The following MINDY4 variants were observed in gnomAD, a reference collection of about 807,000 sequenced individuals.
The protein encoded by MINDY4 is MINDY lysine 48 deubiquitinase 4, also known as probable ubiquitin carboxyl-terminal hydrolase MINDY-4.
MINDY4 carries 68 observed loss-of-function variants against 87.0 expected under a neutral mutation model. The ratio of observed to expected loss-of-function variants is 0.78; its 90% CI spans 0.64 to 0.96. The LOEUF is 0.96. Ranked by LOEUF, MINDY4 falls within the 40% of genes least tolerant of loss-of-function variation. The pLI is 0.00. For missense variants in MINDY4, 919 were observed against 928.2 expected (o/e 0.99, Z 0.13); for synonymous variants, 379 against 363.2 (o/e 1.04, Z -0.50).
At chr7:30,841,464 CCCATA>C (rs1562550082) in intron 9 of MINDY4, among the ~76,000 whole-genome samples, 1 of 152,198 alleles carries the variant, frequency 6.6e-6, no homozygotes, top group Non-Finnish European at 1.5e-5. Flanking sequence ...AAACCCCAAT[CCCATA>C]CCATCGTTGG....
intron 5 of MINDY4, among the ~76,000 whole-genome samples, chr7:30,816,765 T>G (rs1293970688): frequency 6.6e-6 from 1 of 152,196 alleles, no homozygotes; most frequent in Non-Finnish European, 1.5e-5. Context: ...TGAGCTGAAT[T>G]GTTAAGGCAG....
intron 15 of MINDY4, among the ~76,000 whole-genome samples, chr7:30,878,748 G>A (rs2107550): frequency 0.36 from 54,537 of 152,096 alleles, 15,172 homozygotes; most frequent in African/African-American, 0.77. Flanking sequence ...ACAGCTTGAC[G>A]GGCAAGAGTT....
intron 5 of MINDY4, among the ~76,000 whole-genome samples, chr7:30,817,734 G>A (rs1050919895): frequency 2.6e-5 from 4 of 152,194 alleles, no homozygotes; most frequent in East Asian, 1.9e-4. Context: ...GGGGCAATGC[G>A]TCTGTTGCCA....
intron 6 of MINDY4, among the ~76,000 whole-genome samples, chr7:30,834,268 C>T (rs751933539): frequency 6.6e-6 from 1 of 152,232 alleles, no homozygotes; most frequent in African/African-American, 2.4e-5. Flanking sequence ...GGCGGAGGTT[C>T]CCAAACCTCA....
Position 30,836,726 on chromosome 7 carries a change from C to T in MINDY4, c.1201C>T (p.Gln401Ter), listed in dbSNP as rs1208369113. 19 of 1,614,032 alleles carry T rather than the reference C, an allele frequency of 1.2e-5. No homozygotes were observed. Among genetic ancestry groups the T allele is most frequent in the Non-Finnish European group, 1.5e-5 (18 of 1,179,998 alleles). ...LSPVPSVLKL[Q>*]TASKPIDLSV... ...GCCAGTCCCATCAGTGCTCAAGTTGCAGACAGCATCAAAACCAATTGACCT... is the reference window on the plus strand; with the variant it reads ...GCCAGTCCCATCAGTGCTCAAGTTGTAGACAGCATCAAAACCAATTGACCT... The change falls in exon 7 of 18, where the codon CAG (glutamine) becomes TAG (stop). Residue 401 changes from glutamine to a stop codon, truncating the protein, a stop_gained. Coordinates refer to ENST00000265299, the MANE Select transcript of MINDY4 (RefSeq NM_032222.3). LOFTEE classifies it high-confidence loss of function.
chr7:30,813,156 G>T (rs1788052512), intron 5 of MINDY4, among the ~76,000 whole-genome samples: 1 of 152,172 alleles, frequency 6.6e-6, no homozygotes, highest in African/African-American at 2.4e-5. Flanking sequence ...ATTAGATTCA[G>T]ATCCTTAAAA....
chr7:30,889,474 C>G (rs562112782), intron 17 of MINDY4, among the ~76,000 whole-genome samples: 79 of 152,316 alleles, frequency 5.2e-4, no homozygotes, highest in African/African-American at 1.8e-3. Context: ...ACTCCACCCC[C>G]AAATAGTATC....
chr7:30,887,292 A>C (rs867586942), intron 17 of MINDY4, among the ~76,000 whole-genome samples: 1 of 152,012 alleles, frequency 6.6e-6, no homozygotes, highest in South Asian at 2.1e-4. Flanking sequence ...CCTGCCCCCC[A>C]CACACACCTG....
At chr7:30,859,615 C>T (rs1277202233) in intron 13 of MINDY4, among the ~76,000 whole-genome samples, 1 of 151,816 alleles carries the variant, frequency 6.6e-6, no homozygotes, top group African/African-American at 2.4e-5. Flanking sequence ...CACACTTGAG[C>T]ACTCAGGGGG....
At chr7:30,854,119 G>C (rs1268357125) in intron 12 of MINDY4, among the ~76,000 whole-genome samples, 2 of 152,158 alleles carry the variant, frequency 1.3e-5, no homozygotes, top group Non-Finnish European at 2.9e-5. Flanking sequence ...GTGGGGAGGG[G>C]CTACACACTC....
chr7:30,836,998 C>T (rs1788877572), intron 7 of MINDY4, among the ~76,000 whole-genome samples: 1 of 152,102 alleles, frequency 6.6e-6, no homozygotes, highest in Non-Finnish European at 1.5e-5. Context: ...GAGGTTATGT[C>T]CTCCCCTCCA....
At chr7:30,825,393 C>T (rs1005202820) in intron 5 of MINDY4, among the ~76,000 whole-genome samples, 1 of 152,194 alleles carries the variant, frequency 6.6e-6, no homozygotes, top group South Asian at 2.1e-4. Flanking sequence ...AGTCCCATGA[C>T]CAGAGAGAGA....
intron 5 of MINDY4, among the ~76,000 whole-genome samples, chr7:30,808,362 T>A (rs895158958): frequency 2.6e-5 from 4 of 152,206 alleles, no homozygotes; most frequent in African/African-American, 9.7e-5. Context: ...CTTGGATTGC[T>A]TGATACTTTG....
intron 5 of MINDY4, among the ~76,000 whole-genome samples, chr7:30,826,196 G>A (rs566158884): frequency 3.3e-5 from 5 of 152,248 alleles, no homozygotes; most frequent in African/African-American, 7.2e-5. Flanking sequence ...CTCTTTTGCC[G>A]TGTAAAGTAA....
intron 5 of MINDY4, among the ~76,000 whole-genome samples, chr7:30,819,671 A>G (rs1788264020): frequency 6.6e-6 from 1 of 152,150 alleles, no homozygotes; most frequent in Admixed American, 6.5e-5. Flanking sequence ...TGTTAGGAGC[A>G]TAGAGTTTCA....
intron 12 of MINDY4, among the ~76,000 whole-genome samples, chr7:30,853,756 G>A (rs1162481009): frequency 6.6e-6 from 1 of 152,234 alleles, no homozygotes; most frequent in Non-Finnish European, 1.5e-5. Flanking sequence ...GACACAGGAA[G>A]CAGCTGTTAG....
chr7:30,777,165 A>G (rs1562527443), intron 1 of MINDY4, among the ~76,000 whole-genome samples: 1 of 152,036 alleles, frequency 6.6e-6, no homozygotes, highest in Non-Finnish European at 1.5e-5. Flanking sequence ...CTATGGCACC[A>G]TGCCCAGGCC....
chr7:30,790,848 CAGTT>C (rs1787301590), intron 4 of MINDY4, among the ~76,000 whole-genome samples: 5 of 152,138 alleles, frequency 3.3e-5, no homozygotes, highest in Admixed American at 2.6e-4. Context: ...ACAGGTGACA[CAGTT>C]GGTAGGTGGT....
chr7:30,891,938 C>T lies in MINDY4; in HGVS notation c.2226-19C>T, dbSNP rs1488832373. On this transcript the variant is annotated intron_variant, in intron 17 of 17. Coordinates refer to ENST00000265299, the MANE Select transcript of MINDY4 (RefSeq NM_032222.3). ...TGAAGCTTGATCTCTCTTTGTCTCT[C>T]TCCTCACTCTACGCTTAGGTGGAAG... 1 of 1,613,896 alleles carries T rather than the reference C, an allele frequency of 6.2e-7. No individual in the cohort carries two copies. The highest frequency in any genetic ancestry group is 8.5e-7 in the Non-Finnish European group (1 of 1,179,776).
Sources: allele counts gnomAD v4.1 joint callset (sites outside exome capture counted in the v4.1 genomes callset), GRCh38; gene constraint gnomAD v4.1.1; transcripts MANE v1.5; gene names NCBI Gene and HGNC (gene_info 2026-07-23, HGNC 2026-07-21).